Variants in DDX60L observed in about 807,000 individuals in gnomAD.
DDX60L encodes the protein DExD/H-box 60 like, also known as probable ATP-dependent RNA helicase DDX60-like.
Under a neutral mutation model 211.6 loss-of-function variants are expected in DDX60L, and 191 were observed. That is an observed-to-expected ratio of 0.90 (90% CI 0.80 to 1.02). The LOEUF (loss-of-function observed/expected upper bound fraction) is 1.02. Ranked by LOEUF, DDX60L falls within the 50% of genes least tolerant of loss-of-function variation. The pLI, the probability that DDX60L is intolerant of heterozygous loss-of-function variation, is 0.00. For synonymous variants in DDX60L, 706 were observed against 694.1 expected (o/e 1.02, Z -0.27); for missense variants, 2,007 against 1,984.1 (o/e 1.01, Z -0.22).
chr4:168,406,798 T>A (rs2149799396), intron 22 of DDX60L, 92 bp from the exon 23 acceptor site: 1 of 915,258 alleles, frequency 1.1e-6, no homozygotes, highest in South Asian at 1.6e-5. Context: ...AACCCTCAAG[T>A]CTTTACCTGT....
intron 30 of DDX60L, among the ~76,000 whole-genome samples, chr4:168,382,832 T>C (rs908261930): frequency 6.6e-6 from 1 of 152,188 alleles, no homozygotes; most frequent in South Asian, 2.1e-4. Context: ...GCTTTTCCCA[T>C]TCTTCTCTTT....
rs764162900 is a variant in DDX60L at position 168,391,676 on chromosome 4, C to T, written c.3811-32G>A. On this transcript the variant is annotated intron_variant, in intron 28 of 37. Transcript: ENST00000682922. ...AAAAAAAAAAAAAACAGTCAATACA[C>T]AATATAGCATATCTATAAGGACACA... is the stretch of plus-strand genomic sequence containing the variant. The T allele has an allele frequency of 3.1e-5, 36 of 1,171,464 alleles. 1 individual carries two copies. In the South Asian group the frequency reaches 4.8e-4, roughly 15 times the overall value. The allele number at this position is 1,171,464 out of a possible 1,614,324, so 72.6% of individuals were successfully genotyped here.
chr4:168,368,404 A>G (rs1740368274), intron 36 of DDX60L, among the ~76,000 whole-genome samples: 1 of 152,248 alleles, frequency 6.6e-6, no homozygotes, highest in East Asian at 1.9e-4. Context: ...GAGATTTGGG[A>G]ACCCCTGCCT....
Position 168,394,448 on chromosome 4 carries a change from CA to C in DDX60L, c.3810+16del. ...TATGCACAACTTTATTTTTTAAATG[CA>C]AAGAAATTTACCTACCCTAATAAGC... is the stretch of plus-strand genomic sequence containing the variant. On this transcript the variant is annotated intron_variant, in intron 28 of 37. Transcript: ENST00000682922. 6.4e-7 allele frequency: 1 copy of C among 1,574,092 alleles called. No homozygotes were observed. The highest frequency in any genetic ancestry group is 1.2e-5 in the South Asian group (1 of 84,894).
At chr4:168,440,257 G>A (rs1753638173) in intron 10 of DDX60L, among the ~76,000 whole-genome samples, 1 of 152,140 alleles carries the variant, frequency 6.6e-6, no homozygotes, top group Admixed American at 6.5e-5. Flanking sequence ...ACAAGGCTGG[G>A]AAGCAATTCT....
At chr4:168,395,764 A>G in intron 27 of DDX60L, 195 bp downstream of exon 27, 1 of 527,198 alleles carries the variant, frequency 1.9e-6, no homozygotes, top group East Asian at 3.4e-5. Context: ...ATTCACACTG[A>G]GCAAGGAAGA....
At chr4:168,378,182 G>T (rs1742305620) in intron 33 of DDX60L, among the ~76,000 whole-genome samples, 172 bp downstream of exon 33, 1 of 152,156 alleles carries the variant, frequency 6.6e-6, no homozygotes, top group Admixed American at 6.5e-5. Context: ...AGATTAGCAG[G>T]GGAAGATGTT....
intron 14 of DDX60L, among the ~76,000 whole-genome samples, chr4:168,426,656 G>A (rs1359402803): frequency 1.3e-5 from 2 of 152,086 alleles, no homozygotes; most frequent in South Asian, 2.1e-4. Context: ...CTGGCTAGAC[G>A]GGCAGAAACA....
chr4:168,396,090 C>A lies in DDX60L; in HGVS notation c.3526G>T (p.Glu1176Ter), dbSNP rs1214954892. 1 of 1,560,230 alleles carries A rather than the reference C, an allele frequency of 6.4e-7. No individual in the cohort carries two copies. ...KKNPKKAEKLERKKVYRAEYI... is the reference protein window; with the variant it reads ...KKNPKKAEKL ...TCAGCTCTATACACTTTTTTTCTTT[C>A]CAGTTTTTCAGCCTTCTTTGGGTTT... Residue 1176 changes from glutamate to a stop codon, truncating the protein, a stop_gained, in exon 27 of 38, where the codon GAA (glutamate) becomes TAA (stop). Transcript: ENST00000682922. LOFTEE classifies it high-confidence loss of function.
intron 29 of DDX60L, among the ~76,000 whole-genome samples, chr4:168,387,816 AC>A (rs1203759818): frequency 6.6e-6 from 1 of 152,116 alleles, no homozygotes; most frequent in East Asian, 1.9e-4. Context: ...TTTATTAAGG[AC>A]CTTTAATGTG....
At chr4:168,449,040 A>G (rs1202132796) in intron 8 of DDX60L, among the ~76,000 whole-genome samples, 2 of 152,166 alleles carry the variant, frequency 1.3e-5, no homozygotes, top group East Asian at 1.9e-4. Context: ...ATGTGGTACT[A>G]AAACTATAGA....
At chr4:168,470,010 T>C (rs1287386596) in intron 4 of DDX60L, 1 of 152,128 alleles carries the variant, frequency 6.6e-6, no homozygotes, top group Non-Finnish European at 1.5e-5. Context: ...TTTAAAATGG[T>C]CAAAAGATAC....
In DDX60L at chr4:168,463,593, T is replaced by TA. The variant is rs199627701; in HGVS notation, c.265-1554dup. On this transcript the variant is annotated intron_variant, in intron 4 of 37. Transcript: ENST00000682922. ...CTGCACATGTACCCCTGAACTAAGTTAAAAAAAAATCTGTTTTTAAATGAT... is the reference window on the plus strand; with the variant it reads ...CTGCACATGTACCCCTGAACTAAGTTAAAAAAAAAATCTGTTTTTAAATGAT... Among the ~76,000 whole-genome samples, 1,037 of 151,578 alleles carry TA rather than the reference T, an allele frequency of 6.8e-3. 15 individuals are homozygous for TA. Among genetic ancestry groups the TA allele is most frequent in the African/African-American group, 0.02 (835 of 41,350 alleles).
intron 4 of DDX60L, among the ~76,000 whole-genome samples, chr4:168,464,193 T>C (rs1196019170): frequency 6.6e-6 from 1 of 152,180 alleles, no homozygotes; most frequent in Non-Finnish European, 1.5e-5. Context: ...TAGAAGATTA[T>C]ATTCAAGAAC....
At chr4:168,375,162 G>A (rs1741725481) in intron 34 of DDX60L, among the ~76,000 whole-genome samples, 1 of 151,878 alleles carries the variant, frequency 6.6e-6, no homozygotes. Flanking sequence ...ATTAATATTT[G>A]GTAATTATAA....
At chr4:168,372,326 G>A (rs544889068) in intron 35 of DDX60L, among the ~76,000 whole-genome samples, 20 of 152,232 alleles carry the variant, frequency 1.3e-4, no homozygotes, top group Non-Finnish European at 2.5e-4. Context: ...CTAAGTCTCC[G>A]TGGTTCTGGG....
intron 36 of DDX60L, among the ~76,000 whole-genome samples, chr4:168,364,932 C>G (rs1347018315): frequency 6.6e-6 from 1 of 151,768 alleles, no homozygotes; most frequent in Non-Finnish European, 1.5e-5. Context: ...AAAAACCCAA[C>G]AGATCAATAA....
chr4:168,367,721 C>T (rs1740238047), intron 36 of DDX60L, among the ~76,000 whole-genome samples: 1 of 152,142 alleles, frequency 6.6e-6, no homozygotes, highest in African/African-American at 2.4e-5. Flanking sequence ...GCCCAAAATG[C>T]TGATAGCAAT....
At chr4:168,385,434 T>C (rs1367086815) in intron 29 of DDX60L, among the ~76,000 whole-genome samples, 2 of 152,146 alleles carry the variant, frequency 1.3e-5, no homozygotes, top group African/African-American at 4.8e-5. Flanking sequence ...ATATCCTTCA[T>C]AATAAACTGA....
Sources: gnomAD v4.1 joint callset for allele counts (sites outside exome capture counted in the v4.1 genomes callset) on GRCh38, gnomAD v4.1.1 for gene constraint, MANE v1.5 for transcripts, NCBI Gene and HGNC (gene_info 2026-07-23, HGNC 2026-07-21) for gene names.